The following C4orf17 variants were observed in gnomAD, a reference collection of about 807,000 sequenced individuals.
C4orf17 encodes chromosome 4 open reading frame 17.
Under a neutral mutation model 32.0 loss-of-function variants are expected in C4orf17, and 25 were observed. The ratio of observed to expected loss-of-function variants is 0.78; its 90% CI spans 0.57 to 1.09. The LOEUF is 1.09. C4orf17 is among the 50% of genes least tolerant of loss of function. The pLI is 0.00. For synonymous variants in C4orf17, 149 were observed against 145.8 expected, an observed-to-expected ratio of 1.02 and a Z score of -0.16; for missense variants, 420 against 420.0, an observed-to-expected ratio of 1.00 and a Z score of 0.00.
intron 4 of C4orf17, among the ~76,000 whole-genome samples, chr4:99,529,571 C>A (rs1281294732): frequency 6.6e-6 from 1 of 152,138 alleles, no homozygotes; most frequent in Non-Finnish European, 1.5e-5. Context: ...TTGCATATTA[C>A]AAATTTGTTA....
At chr4:99,524,203 G>T (rs143403305) in intron 3 of C4orf17, among the ~76,000 whole-genome samples, 92 of 152,006 alleles carry the variant, frequency 6.1e-4, no homozygotes, top group African/African-American at 2.0e-3. Flanking sequence ...GGATGGTCTC[G>T]ATCTCCTGAC....
At chr4:99,532,564 G>A (rs1433477576) in intron 5 of C4orf17, among the ~76,000 whole-genome samples, 3 of 152,120 alleles carry the variant, frequency 2.0e-5, no homozygotes, top group Non-Finnish European at 4.4e-5. Flanking sequence ...GAGGAAGGAA[G>A]GAAAGCAAAG....
At chr4:99,530,990 T>C (rs886868475) in intron 5 of C4orf17, among the ~76,000 whole-genome samples, 2 of 152,112 alleles carry the variant, frequency 1.3e-5, no homozygotes, top group Non-Finnish European at 2.9e-5. Context: ...CTAAGAATTA[T>C]CTTTCTCTTT....
intron 1 of C4orf17, among the ~76,000 whole-genome samples, chr4:99,512,061 C>CT (rs1455835452): frequency 6.6e-6 from 1 of 152,054 alleles, no homozygotes; most frequent in Non-Finnish European, 1.5e-5. Flanking sequence ...AGTCAACGAT[C>CT]TAAAAGCATC....
chr4:99,536,874 A>G (rs1297449805), intron 5 of C4orf17, among the ~76,000 whole-genome samples: 1 of 152,128 alleles, frequency 6.6e-6, no homozygotes, highest in Non-Finnish European at 1.5e-5. Flanking sequence ...AAAGTCAAAT[A>G]TTAGGGAAAG....
At chr4:99,534,777 C>T (rs1560590590) in intron 5 of C4orf17, among the ~76,000 whole-genome samples, 6 of 152,178 alleles carry the variant, frequency 3.9e-5, no homozygotes, top group Admixed American at 3.9e-4. Flanking sequence ...TGAATTTGAT[C>T]CTGTCACCAT....
At chr4:99,525,093 G>A (rs1177985262) in intron 4 of C4orf17, among the ~76,000 whole-genome samples, 1 of 152,120 alleles carries the variant, frequency 6.6e-6, no homozygotes, top group African/African-American at 2.4e-5. Flanking sequence ...CCTGTTGAGG[G>A]ACATTTAGGT....
intron 5 of C4orf17, among the ~76,000 whole-genome samples, chr4:99,536,690 A>G (rs137977262): frequency 1.3e-5 from 2 of 152,178 alleles, no homozygotes; most frequent in African/African-American, 4.8e-5. Context: ...CAGATTATGT[A>G]GAGGAGCAGG....
At chr4:99,514,843 A>G (rs1723151476) in intron 2 of C4orf17, among the ~76,000 whole-genome samples, 2 of 152,248 alleles carry the variant, frequency 1.3e-5, no homozygotes, top group African/African-American at 4.8e-5. Flanking sequence ...TTACAAAGAT[A>G]TGGAACCAAC....
intron 3 of C4orf17, among the ~76,000 whole-genome samples, chr4:99,523,116 C>G (rs879798401): frequency 6.6e-6 from 1 of 152,154 alleles, no homozygotes; most frequent in Non-Finnish European, 1.5e-5. Context: ...TAAGGTCAGG[C>G]CCTGTGTTAC....
chr4:99,527,384 G>T (rs1384950594), intron 4 of C4orf17, among the ~76,000 whole-genome samples: 1 of 152,152 alleles, frequency 6.6e-6, no homozygotes, highest in East Asian at 1.9e-4. Context: ...TTGTTTGGTA[G>T]AACGCAATAT....
At chr4:99,522,462 G>C (rs1213573646) in intron 2 of C4orf17, 38 bp from the exon 3 acceptor site, 13 of 1,496,850 alleles carry the variant, frequency 8.7e-6, no homozygotes, top group Non-Finnish European at 1.2e-5. Flanking sequence ...TAATCTGGTT[G>C]CTTGATCTGT....
chr4:99,538,709 A>C (rs7661665), intron 6 of C4orf17, among the ~76,000 whole-genome samples: 64,498 of 152,018 alleles, frequency 0.42, 15,281 homozygotes, highest in African/African-American at 0.65. Context: ...TGAGACAGAA[A>C]AAAAATAATC....
At chr4:99,535,637 G>GT (rs1723548916) in intron 5 of C4orf17, among the ~76,000 whole-genome samples, 1 of 152,030 alleles carries the variant, frequency 6.6e-6, no homozygotes. Flanking sequence ...CTTATGTATT[G>GT]TTTTATCATG....
At chr4:99,532,860 T>C (rs879085517) in intron 5 of C4orf17, among the ~76,000 whole-genome samples, 7 of 152,162 alleles carry the variant, frequency 4.6e-5, no homozygotes, top group Non-Finnish European at 8.8e-5. Flanking sequence ...ACTTTGTAGC[T>C]CAGAGAGCCT....
At chr4:99,511,423 C>T (rs1375680151) in intron 1 of C4orf17, among the ~76,000 whole-genome samples, 151 bp downstream of exon 1, 7 of 144,556 alleles carry the variant, frequency 4.8e-5, no homozygotes, top group East Asian at 2.0e-4. Flanking sequence ...TTCTTGTTGA[C>T]TTTTTTTTTT....
intron 3 of C4orf17, among the ~76,000 whole-genome samples, chr4:99,523,644 A>G (rs1413833989): frequency 6.6e-6 from 1 of 152,194 alleles, no homozygotes; most frequent in Admixed American, 6.5e-5. Context: ...TTTGATGGGG[A>G]TCAGGTGTCA....
At chr4:99,527,498 G>T (rs1263141626) in intron 4 of C4orf17, among the ~76,000 whole-genome samples, 1 of 152,174 alleles carries the variant, frequency 6.6e-6, no homozygotes, top group Non-Finnish European at 1.5e-5. Context: ...CCTATGGTGG[G>T]GTGGGGGGAA....
At chr4:99,527,807 G>A (rs1421740034) in intron 4 of C4orf17, among the ~76,000 whole-genome samples, 4 of 152,108 alleles carry the variant, frequency 2.6e-5, no homozygotes, top group Admixed American at 6.5e-5. Context: ...TGTTGAAATC[G>A]CTAATTATAA....
Sources: allele counts gnomAD v4.1 joint callset (sites outside exome capture counted in the v4.1 genomes callset), GRCh38; gene constraint gnomAD v4.1.1; transcripts MANE v1.5; gene names NCBI Gene and HGNC (gene_info 2026-07-23, HGNC 2026-07-21).